SUMF1: variants seen among roughly 807,000 people sequenced by gnomAD.
SUMF1 encodes the protein sulfatase modifying factor 1.
In SUMF1, 48 loss-of-function variants were observed where a neutral mutation model predicts 47.6. That is an observed-to-expected ratio of 1.01 (90% CI 0.80 to 1.28). The LOEUF is 1.28. Among genes scored for constraint, SUMF1 ranks in the 50% most tolerant of loss-of-function variants. SUMF1 has a pLI of 0.00. For synonymous variants in SUMF1, 230 were observed against 192.1 expected, an observed-to-expected ratio of 1.20 and a Z score of -1.63; for missense variants, 571 against 485.4, an observed-to-expected ratio of 1.18 and a Z score of -1.66.
intron 8 of SUMF1, among the ~76,000 whole-genome samples, chr3:4,143,983 TCTC>T (rs1217522158): frequency 2.5e-5 from 2 of 80,408 alleles, no homozygotes; most frequent in East Asian, 1.1e-3. Context: ...CACTGTCTTC[TCTC>T]TCTTTTTTTT....
intron 7 of SUMF1, among the ~76,000 whole-genome samples, chr3:4,394,525 T>A (rs1700978874): frequency 6.6e-6 from 1 of 152,176 alleles, no homozygotes; most frequent in East Asian, 1.9e-4. Context: ...AATTCAAAGG[T>A]GTTAGATTAA....
chr3:4,277,749 C>G (rs1251001386), intron 8 of SUMF1, among the ~76,000 whole-genome samples: 1 of 152,100 alleles, frequency 6.6e-6, no homozygotes, highest in East Asian at 1.9e-4. Flanking sequence ...CAACAGACCA[C>G]TATCAGCAGT....
At chr3:4,168,481 A>G (rs903956183) in intron 8 of SUMF1, among the ~76,000 whole-genome samples, 3 of 152,168 alleles carry the variant, frequency 2.0e-5, no homozygotes, top group African/African-American at 7.2e-5. Context: ...CTAATCATTA[A>G]ACTATTAGTA....
intron 8 of SUMF1, chr3:4,229,486 G>T (rs73806956): frequency 0.021 from 4,370 of 207,968 alleles, 185 homozygotes; most frequent in African/African-American, 0.094. Flanking sequence ...ACCTCTCCAG[G>T]CCTTAGTTCT....
At chr3:4,108,736 G>A (rs567426098) in intron 8 of SUMF1, among the ~76,000 whole-genome samples, 1 of 152,162 alleles carries the variant, frequency 6.6e-6, no homozygotes. Context: ...TCAGAGACTA[G>A]GATTGCAACC....
intron 8 of SUMF1, among the ~76,000 whole-genome samples, chr3:4,249,963 C>G (rs1327914588): frequency 7.9e-5 from 12 of 152,216 alleles, no homozygotes; most frequent in African/African-American, 2.4e-4. Flanking sequence ...GCAGGTAGAT[C>G]ACTTGAGGCC....
chr3:4,413,265 C>A (rs1370674632), intron 6 of SUMF1, among the ~76,000 whole-genome samples: 2 of 152,052 alleles, frequency 1.3e-5, no homozygotes, highest in Non-Finnish European at 2.9e-5. Flanking sequence ...CTCAGCCTTC[C>A]GAAGTGCTGG....
intron 3 of SUMF1, among the ~76,000 whole-genome samples, chr3:4,429,338 T>C (rs1358615214): frequency 1.3e-5 from 2 of 152,234 alleles, no homozygotes; most frequent in Non-Finnish European, 2.9e-5. Context: ...ACATTGCTAG[T>C]AGCTTACTTA....
At chr3:4,208,161 C>G (rs1055188712) in intron 8 of SUMF1, among the ~76,000 whole-genome samples, 1 of 151,972 alleles carries the variant, frequency 6.6e-6, no homozygotes, top group Admixed American at 6.6e-5. Context: ...GAGCCTACTT[C>G]AGAAAAAGGA....
intron 8 of SUMF1, among the ~76,000 whole-genome samples, chr3:4,231,324 G>A (rs985570484): frequency 3.9e-5 from 6 of 152,098 alleles, no homozygotes; most frequent in Non-Finnish European, 7.4e-5. Context: ...GTACATAAAT[G>A]ATTTTTCAGG....
chr3:4,046,382 T>G (rs1695008337), intron 9 of SUMF1, among the ~76,000 whole-genome samples: 1 of 152,156 alleles, frequency 6.6e-6, no homozygotes, highest in Admixed American at 6.5e-5. Context: ...CAGTCTCCCT[T>G]GCAGTTAGAT....
At chr3:4,242,154 A>G (rs1696552374) in intron 8 of SUMF1, among the ~76,000 whole-genome samples, 1 of 152,162 alleles carries the variant, frequency 6.6e-6, no homozygotes, top group African/African-American at 2.4e-5. Flanking sequence ...GAAGTTGCTT[A>G]TCAGCTTAAG....
At chr3:4,222,503 A>G (rs1172307990) in intron 8 of SUMF1, among the ~76,000 whole-genome samples, 2 of 152,080 alleles carry the variant, frequency 1.3e-5, no homozygotes, top group Non-Finnish European at 2.9e-5. Context: ...GGTACCCTCA[A>G]ATCCAACCTG....
intron 8 of SUMF1, among the ~76,000 whole-genome samples, chr3:4,194,775 A>G (rs1452332536): frequency 6.6e-6 from 1 of 152,176 alleles, no homozygotes; most frequent in Non-Finnish European, 1.5e-5. Context: ...AACCTGTAAA[A>G]CTATGTAAGC....
intron 8 of SUMF1, among the ~76,000 whole-genome samples, chr3:4,102,865 AAG>A (rs893327670): frequency 1.3e-5 from 2 of 151,946 alleles, no homozygotes; most frequent in African/African-American, 4.8e-5. Flanking sequence ...CAGGGAGAAG[AAG>A]AGAGAGGAAA....
At chr3:4,218,271 G>A (rs150873203) in intron 8 of SUMF1, among the ~76,000 whole-genome samples, 56 of 152,050 alleles carry the variant, frequency 3.7e-4, no homozygotes, top group African/African-American at 1.3e-3. Context: ...AAATTCTGTT[G>A]TTTAAGCCAC....
At chr3:4,440,861 C>G (rs1333067863) in intron 3 of SUMF1, among the ~76,000 whole-genome samples, 1 of 152,248 alleles carries the variant, frequency 6.6e-6, no homozygotes, top group Non-Finnish European at 1.5e-5. Flanking sequence ...CCAACAGCAA[C>G]TGTTTTCTAC....
At chr3:4,131,967 A>C (rs1466185455) in intron 8 of SUMF1, among the ~76,000 whole-genome samples, 1 of 152,116 alleles carries the variant, frequency 6.6e-6, no homozygotes, top group Non-Finnish European at 1.5e-5. Context: ...CGACCTGGCT[A>C]CAGCCAGTGC....
chr3:4,142,320 GT>G (rs1341401782), intron 8 of SUMF1, among the ~76,000 whole-genome samples: 3 of 152,098 alleles, frequency 2.0e-5, no homozygotes, highest in Non-Finnish European at 4.4e-5. Flanking sequence ...ATGTCCTACA[GT>G]TCCTCTAAGA....
Sources: gnomAD v4.1 joint callset for allele counts (sites outside exome capture counted in the v4.1 genomes callset) on GRCh38, gnomAD v4.1.1 for gene constraint, MANE v1.5 for transcripts, NCBI Gene and HGNC (gene_info 2026-07-23, HGNC 2026-07-21) for gene names.